CREB5: variants seen among roughly 807,000 people sequenced by gnomAD.
CREB5 encodes the protein cAMP responsive element binding protein 5.
CREB5 carries 19 observed loss-of-function variants against 57.1 expected under a neutral mutation model. The observed-to-expected ratio is 0.33, with a 90% CI of 0.23 to 0.49. CREB5 has a LOEUF of 0.49. Ranked by LOEUF, CREB5 falls within the 20% of genes least tolerant of loss-of-function variation. CREB5 has a pLI of 0.99. For synonymous variants in CREB5, 238 were observed against 238.3 expected, an observed-to-expected ratio of 1.00 and a Z score of 0.01; for missense variants, 579 against 671.6, an observed-to-expected ratio of 0.86 and a Z score of 1.52.
At chr7:28,804,178 C>T (rs1296291591) in intron 7 of CREB5, 21 bp from the exon 8 acceptor site, 2 of 1,602,824 alleles carry the variant, frequency 1.2e-6, no homozygotes, top group East Asian at 2.2e-5. Context: ...GTTCTCTCTC[C>T]TCCCTTTTGT....
intron 7 of CREB5, among the ~76,000 whole-genome samples, chr7:28,776,368 A>G (rs953363828): frequency 2.6e-5 from 4 of 151,484 alleles, no homozygotes; most frequent in African/African-American, 9.7e-5. Flanking sequence ...GAAGAAAGTT[A>G]AGCGTGCTAT....
At chr7:28,530,029 CAG>C (rs1166099921) in intron 4 of CREB5, among the ~76,000 whole-genome samples, 1 of 152,202 alleles carries the variant, frequency 6.6e-6, no homozygotes, top group African/African-American at 2.4e-5. Context: ...GAAATGAACT[CAG>C]AGATTAAGCT....
intron 9 of CREB5, 109 bp from the exon 10 acceptor site, chr7:28,817,962 A>T (rs1050959439): frequency 1.4e-6 from 1 of 707,590 alleles, no homozygotes; most frequent in Non-Finnish European, 2.4e-6. Context: ...TCTTAATGTC[A>T]TTTAGACATA....
chr7:28,588,041 T>A (rs1336077382), intron 5 of CREB5, among the ~76,000 whole-genome samples: 1 of 152,134 alleles, frequency 6.6e-6, no homozygotes, highest in East Asian at 1.9e-4. Flanking sequence ...CTGTGCAATA[T>A]CATGTTCTTG....
At chr7:28,609,786 T>A (rs1456638833) in intron 5 of CREB5, among the ~76,000 whole-genome samples, 2 of 152,222 alleles carry the variant, frequency 1.3e-5, no homozygotes, top group Non-Finnish European at 2.9e-5. Flanking sequence ...TTGAGCACAC[T>A]CGCCTGTGGT....
At chr7:28,485,723 G>A (rs1350262693) in intron 1 of CREB5, among the ~76,000 whole-genome samples, 3 of 152,088 alleles carry the variant, frequency 2.0e-5, no homozygotes, top group African/African-American at 7.2e-5. Context: ...TTCCAGGAAA[G>A]CATTTAAACG....
At position 28,324,109 on chromosome 7, in the gene CREB5, G is replaced by A. The variant is rs1219979623; in HGVS notation, c.-25+24668G>A. 2.6e-5 allele frequency among the ~76,000 whole-genome samples: 4 copies of A among 152,170 alleles called. No individual in the cohort carries two copies. The South Asian group carries it at 6.2e-4, about 24-fold the overall frequency. On this transcript the variant is annotated intron_variant, in intron 1 of 9. Transcript: ENST00000396299. ...GCCCACCGCTCACCTCACGCTGTGC[G>A]GTCCCCTATGGGGGTTGAGGAACCC...
chr7:28,546,691 AATTTTAGGACT>A (rs1420021881), intron 4 of CREB5, among the ~76,000 whole-genome samples: 1 of 152,192 alleles, frequency 6.6e-6, no homozygotes, highest in Non-Finnish European at 1.5e-5. Context: ...TTGAGAGCTC[AATTTTAGGACT>A]ATTTTTATGA....
At chr7:28,451,893 G>A (rs1789832879) in intron 1 of CREB5, among the ~76,000 whole-genome samples, 1 of 152,148 alleles carries the variant, frequency 6.6e-6, no homozygotes, top group African/African-American at 2.4e-5. Flanking sequence ...GGTTTCCCAA[G>A]CAGATACTGC....
At chr7:28,801,163 T>G (rs1808340351) in intron 7 of CREB5, among the ~76,000 whole-genome samples, 1 of 152,196 alleles carries the variant, frequency 6.6e-6, no homozygotes, top group African/African-American at 2.4e-5. Context: ...TTAAAACAGC[T>G]TGATTTTGTG....
chr7:28,336,770 A>G lies in CREB5; in HGVS notation c.-25+37329A>G, dbSNP rs1432270158. ...TTTGCTCTTGCTTTTCTAGTTCTTC[A>G]ACATGAATTGTTAGATCGTTTCTTA... On this transcript the variant is annotated intron_variant, in intron 1 of 9. Coordinates refer to the CREB5 transcript ENST00000396299. Among the ~76,000 whole-genome samples, 3 of 151,624 alleles carry G rather than the reference A, an allele frequency of 2.0e-5. No individual in the cohort carries two copies. The East Asian group carries it at 5.8e-4, about 29-fold the overall frequency.
chr7:28,706,076 C>T (rs535687306), intron 5 of CREB5, among the ~76,000 whole-genome samples: 11 of 152,298 alleles, frequency 7.2e-5, no homozygotes, highest in African/African-American at 2.6e-4. Flanking sequence ...AATCTTCAGC[C>T]GGGTGCAGTG....
intron 5 of CREB5, among the ~76,000 whole-genome samples, chr7:28,679,386 C>A (rs1800481998): frequency 6.6e-6 from 1 of 152,124 alleles, no homozygotes; most frequent in South Asian, 2.1e-4. Context: ...ACCAGGGCAG[C>A]CTTGGAAACC....
intron 7 of CREB5, among the ~76,000 whole-genome samples, chr7:28,787,491 T>TGAA (rs1263229897): frequency 6.6e-6 from 1 of 152,222 alleles, no homozygotes; most frequent in Non-Finnish European, 1.5e-5. Flanking sequence ...ATCTGTGAAA[T>TGAA]GAAGTATTCT....
At chr7:28,361,404 T>A (rs1164598000) in intron 1 of CREB5, among the ~76,000 whole-genome samples, 1 of 152,196 alleles carries the variant, frequency 6.6e-6, no homozygotes, top group Non-Finnish European at 1.5e-5. Context: ...CTCCAATCAT[T>A]GTGAGGCCTT....
intron 1 of CREB5, among the ~76,000 whole-genome samples, chr7:28,454,931 C>T (rs2128570896): frequency 6.6e-6 from 1 of 152,218 alleles, no homozygotes; most frequent in East Asian, 1.9e-4. Flanking sequence ...TTACAGTGGC[C>T]TCAGCACACC....
At position 28,560,867 on chromosome 7, in the gene CREB5, T is replaced by TGCGCGTGC. The variant is rs1294033526; in HGVS notation, c.292-9495_292-9494insCGTGCGCG. On this transcript the variant is annotated intron_variant, in intron 4 of 10. Transcript: ENST00000357727. Reference sequence around the variant, plus strand: ...GTGCGCGTGTGTGTGTGCGTGTGCCTGCGTGCGCGTGCGTGCGTGCGTGTG... The same window carrying TGCGCGTGC: ...GTGCGCGTGTGTGTGTGCGTGTGCCTGCGCGTGCGCGTGCGCGTGCGTGCGTGCGTGTG... Among the ~76,000 whole-genome samples, 11 of 22,046 alleles carry TGCGCGTGC rather than the reference T, an allele frequency of 5.0e-4. 2 individuals are homozygous for TGCGCGTGC. Among genetic ancestry groups the TGCGCGTGC allele is most frequent in the Admixed American group, 8.8e-4 (2 of 2,264 alleles). The allele number at this position is 22,046 out of a possible 152,430, so 14.5% of individuals were successfully genotyped here. A position where few individuals can be genotyped will look rare whatever the true frequency, so the allele number is the denominator to read the frequency against.
intron 5 of CREB5, among the ~76,000 whole-genome samples, chr7:28,666,771 C>T (rs1357911210): frequency 6.6e-6 from 1 of 151,584 alleles, no homozygotes; most frequent in African/African-American, 2.4e-5. Context: ...AGTTCAAGAC[C>T]AACCTGGGAA....
intron 1 of CREB5, among the ~76,000 whole-genome samples, chr7:28,324,857 A>C (rs62449649): frequency 2.2e-4 from 33 of 152,200 alleles, no homozygotes; most frequent in Non-Finnish European, 4.3e-4. Flanking sequence ...GTTCTTTCAC[A>C]ATCATCCTAT....
Sources: gnomAD v4.1 joint callset for allele counts (sites outside exome capture counted in the v4.1 genomes callset) on GRCh38, gnomAD v4.1.1 for gene constraint, MANE v1.5 for transcripts, NCBI Gene and HGNC (gene_info 2026-07-23, HGNC 2026-07-21) for gene names.